SPEG: variants seen among roughly 807,000 people sequenced by gnomAD.
SPEG encodes the protein striated muscle enriched protein kinase.
In SPEG, 114 loss-of-function variants were observed where a neutral mutation model predicts 300.4. The observed-to-expected ratio is 0.38, with a 90% CI of 0.33 to 0.44. SPEG has a LOEUF of 0.44. SPEG is among the 20% of genes least tolerant of loss of function. The pLI is 1.00. For missense variants in SPEG, 4,201 were observed against 4,586.2 expected, an observed-to-expected ratio of 0.92 and a Z score of 2.43; for synonymous variants, 1,964 against 2,018.9, an observed-to-expected ratio of 0.97 and a Z score of 0.73.
rs2125521082 is a variant in SPEG, at chr2:219,478,116, A to T, written c.5027+11A>T. On this transcript the variant is annotated intron_variant, in intron 22 of 40. Transcript: ENST00000312358. Reference sequence around the variant, plus strand: ...CATTGTCACCGAGCTGTATCCTGGGACAGGCTGGGGGCTAGGGGGATCCAT... The same window carrying T: ...CATTGTCACCGAGCTGTATCCTGGGTCAGGCTGGGGGCTAGGGGGATCCAT... 3.7e-6 allele frequency: 6 copies of T among 1,611,678 alleles called. No homozygotes were observed. The highest frequency in any genetic ancestry group is 5.1e-6 in the Non-Finnish European group (6 of 1,177,986).
chr2:219,488,000 G>A (rs953349388), intron 31 of SPEG, among the ~76,000 whole-genome samples, 194 bp from the exon 32 acceptor site: 5 of 152,214 alleles, frequency 3.3e-5, no homozygotes, highest in Admixed American at 2.0e-4. Flanking sequence ...GTGAGGGCCT[G>A]GGGAAAGTGA....
chr2:219,462,599 G>C (rs1450650994), intron 8 of SPEG, among the ~76,000 whole-genome samples: 1 of 152,254 alleles, frequency 6.6e-6, no homozygotes, highest in East Asian at 1.9e-4. Context: ...TTCTGGGGAG[G>C]GGTTTGGGTC....
Position 219,484,251 on chromosome 2 carries a change from A to G in SPEG, c.6788A>G (p.Gln2263Arg), listed in dbSNP as rs770822187. ...TCAGGCCACGCCCAGGGCCCCTCGC[A>G]GGGCCCTGCCGCGCCGCCTTCAGAG... ...QLSGHAQGPS[Q>R]GPAAPPSEPK... Residue 2263 changes from glutamine to arginine, a missense_variant, in exon 30 of 41, where the codon CAG (glutamine) becomes CGG (arginine). Physicochemically the swap from Gln to Arg is conservative, Grantham distance 43 (BLOSUM62 1). Transcript: ENST00000312358. The G allele has an allele frequency of 3.1e-6, 5 of 1,610,234 alleles. No individual in the cohort carries two copies. The highest frequency in any genetic ancestry group is 2.2e-5 in the East Asian group (1 of 44,830).
intron 6 of SPEG, among the ~76,000 whole-genome samples, chr2:219,454,575 C>T (rs1331444396): frequency 6.6e-6 from 1 of 152,198 alleles, no homozygotes; most frequent in Non-Finnish European, 1.5e-5. Context: ...TAACATTGTG[C>T]CATACATATC....
At position 219,444,538 on chromosome 2, in the gene SPEG, C is replaced by T; in HGVS notation, c.389-115C>T. 2.3e-6 allele frequency: 2 copies of T among 851,992 alleles called. No individual in the cohort carries two copies. Among genetic ancestry groups the T allele is most frequent in the Non-Finnish European group, 1.9e-6 (1 of 519,490 alleles). The allele number at this position is 851,992 out of a possible 1,614,324, so 52.8% of individuals were successfully genotyped here. On this transcript the variant is annotated intron_variant, in intron 1 of 40. Coordinates refer to ENST00000312358, the MANE Select transcript of SPEG (RefSeq NM_005876.5). This position sits in a 1 kb window ranked among gnomAD's most constrained non-coding sequence, Gnocchi z 7.8. The stretch of plus-strand genomic sequence containing the variant: ...GGGAGCAAAAGAGAGGAGGTGCTGG[C>T]AGCCCTGCCAGTGATAAGATGGAGC...
chr2:219,467,078 T>C, intron 9 of SPEG, 96 bp from the exon 10 acceptor site: 1 of 1,400,182 alleles, frequency 7.1e-7, no homozygotes, highest in South Asian at 1.4e-5. Flanking sequence ...TCTCTCTCTC[T>C]GTGTCTGTCT....
chr2:219,442,042 TC>T, intron 1 of SPEG: 3 of 1,121,444 alleles, frequency 2.7e-6, no homozygotes, highest in Non-Finnish European at 2.2e-6. Context: ...CCCGGCCCCC[TC>T]CCCCGCCATG....
intron 38 of SPEG, 53 bp downstream of exon 38, chr2:219,491,009 A>G: frequency 6.9e-7 from 1 of 1,456,760 alleles, no homozygotes. Flanking sequence ...CCAGAGAGGC[A>G]GCAGCCAGGG....
At chr2:219,446,372 AG>A (rs1689290148) in intron 3 of SPEG, among the ~76,000 whole-genome samples, 1 of 152,142 alleles carries the variant, frequency 6.6e-6, no homozygotes, top group Non-Finnish European at 1.5e-5. Flanking sequence ...TGCCGGCAAG[AG>A]GCCTCCTCTG....
At chr2:219,465,570 T>C (rs1388976966) in intron 9 of SPEG, 1 of 190,156 alleles carries the variant, frequency 5.3e-6, no homozygotes, top group Non-Finnish European at 1.1e-5. Flanking sequence ...CTTCTTTCTC[T>C]TGGGGATTCC....
rs755453437 is a variant in SPEG, at chr2:219,445,195, C to G, written c.815+34C>G. ...CGGCCTTACCTGGGCCTGAACTGCCCCATCTCACCACGCTGTCCTGCGCTG... is the reference window on the plus strand; with the variant it reads ...CGGCCTTACCTGGGCCTGAACTGCCGCATCTCACCACGCTGTCCTGCGCTG... On this transcript the variant is annotated intron_variant, in intron 3 of 40. Transcript: ENST00000312358. This position sits in a 1 kb window ranked among gnomAD's most constrained non-coding sequence, Gnocchi z 6.1. The G allele has an allele frequency of 4.6e-6, 7 of 1,532,980 alleles. No individual in the cohort carries two copies. The South Asian group carries it at 8.4e-5, about 18-fold the overall frequency. 95.0% of individuals were successfully genotyped at this position (1,532,980 alleles called of 1,614,324 possible).
At chr2:219,486,639 C>T (rs553704835) in intron 31 of SPEG, among the ~76,000 whole-genome samples, 5 of 152,186 alleles carry the variant, frequency 3.3e-5, no homozygotes, top group Non-Finnish European at 5.9e-5. Flanking sequence ...AGCTGATTTC[C>T]TGCTGAGGCA....
At chr2:219,440,923 T>C (rs575500592) in intron 1 of SPEG, among the ~76,000 whole-genome samples, 1 of 152,374 alleles carries the variant, frequency 6.6e-6, no homozygotes, top group South Asian at 2.1e-4. Context: ...CTGTGCTCAC[T>C]GGGATGATAA....
At chr2:219,442,051 A>T in intron 1 of SPEG, 3 of 1,148,556 alleles carry the variant, frequency 2.6e-6, no homozygotes, top group Non-Finnish European at 3.2e-6. Context: ...CTCCCCCGCC[A>T]TGAAGAAGCT....
chr2:219,484,573 T>A lies in SPEG; in HGVS notation c.7110T>A (p.Asp2370Glu). 1 of 1,583,852 alleles carries A rather than the reference T, an allele frequency of 6.3e-7. No individual in the cohort carries two copies. The highest frequency in any genetic ancestry group is 8.5e-7 in the Non-Finnish European group (1 of 1,169,638). ...CCTTCCGTGGGGCCGAGGAGGAGGA[T>A]GGCATATACCGGCCCAGCCCGGCGG... ...RGPFRGAEEE[D>E]GIYRPSPAGT... Residue 2370 changes from aspartate to glutamate, a missense_variant, in exon 30 of 41, where the codon GAT becomes GAA. Transcript: ENST00000312358.
rs2125183873 is a variant in SPEG, at chr2:219,435,287, G to A, written c.310G>A (p.Gly104Ser). 6.6e-7 allele frequency: 1 copy of A among 1,514,072 alleles called. No individual in the cohort carries two copies. The highest frequency in any genetic ancestry group is 2.6e-5 in the East Asian group (1 of 37,784). 93.8% of individuals were successfully genotyped at this position (1,514,072 alleles called of 1,614,324 possible). A position where few individuals can be genotyped will look rare whatever the true frequency, so the allele number is the denominator to read the frequency against. Residue 104 changes from glycine to serine, a missense_variant, in exon 1 of 41, where the codon GGC becomes AGC. By Grantham distance (56) the Gly-to-Ser change is moderately conservative. Transcript: ENST00000312358. ...GCGGCGCTGCGGGGCGCAGGACGCC[G>A]GCGTGTACAGCTGCATGGCCCAGAA... ...WLRRCGAQDAGVYSCMAQNER... is the reference protein window; with the variant it reads ...WLRRCGAQDASVYSCMAQNER...
Position 219,443,722 on chromosome 2 carries a change from C to T in SPEG, c.389-931C>T, listed in dbSNP as rs896206726. 3.5e-5 allele frequency: 12 copies of T among 340,884 alleles called. No homozygotes were observed. Among genetic ancestry groups the T allele is most frequent in the African/African-American group, 1.7e-4 (8 of 46,222 alleles). The allele number at this position is 340,884 out of a possible 1,614,324, so 21.1% of individuals were successfully genotyped here. On this transcript the variant is annotated intron_variant, in intron 1 of 40. Coordinates refer to ENST00000312358, the MANE Select transcript of SPEG (RefSeq NM_005876.5). The surrounding 1 kb of genome is among the most constrained non-coding windows in gnomAD (Gnocchi z 4.6). ...ACTCCTAATGGGAGGCCCAGGTCTG[C>T]GGCTGGACTGGACACAAGCAGGTGT... is the stretch of plus-strand genomic sequence containing the variant.
intron 9 of SPEG, chr2:219,466,929 C>A: frequency 8.8e-7 from 1 of 1,132,556 alleles, no homozygotes; most frequent in Non-Finnish European, 1.1e-6. Context: ...CTCAGTTTCC[C>A]CTCCCTCAGT....
Position 219,459,859 on chromosome 2 carries a change from C to T in SPEG, c.2441-2023C>T, listed in dbSNP as rs193264731. ...CTGAACCGTGGGCCCCTCCTCTGCC[C>T]GGCCCCCAGCCCTCCTTCCTTACTG... On this transcript the variant is annotated intron_variant, in intron 6 of 40. Coordinates refer to ENST00000312358, the MANE Select transcript of SPEG (RefSeq NM_005876.5). This position sits in a 1 kb window ranked among gnomAD's most constrained non-coding sequence, Gnocchi z 4.9. 1.7e-4 allele frequency among the ~76,000 whole-genome samples: 26 copies of T among 152,336 alleles called. No individual in the cohort carries two copies. In the East Asian group the frequency reaches 2.9e-3, roughly 17 times the overall value.
Sources: gnomAD v4.1 joint callset for allele counts (sites outside exome capture counted in the v4.1 genomes callset) on GRCh38, gnomAD v4.1.1 for gene constraint, Gnocchi (gnomAD v3.1) non-coding constraint, MANE v1.5 for transcripts, NCBI Gene and HGNC (gene_info 2026-07-23, HGNC 2026-07-21) for gene names.